LRRFIP1: variants seen among roughly 807,000 people sequenced by gnomAD.
LRRFIP1 encodes the protein LRR binding FLII interacting protein 1, also known as leucine-rich repeat flightless-interacting protein 1.
LRRFIP1 carries 62 observed loss-of-function variants against 104.4 expected under a neutral mutation model. The ratio of observed to expected loss-of-function variants is 0.59; its 90% CI spans 0.48 to 0.73. The LOEUF is 0.73. Ranked by LOEUF, LRRFIP1 falls within the 30% of genes least tolerant of loss-of-function variation. The pLI is 0.00. For synonymous variants in LRRFIP1, 300 were observed against 299.0 expected, an observed-to-expected ratio of 1.00 and a Z score of -0.03; for missense variants, 796 against 824.5, an observed-to-expected ratio of 0.97 and a Z score of 0.42.
At chr2:237,734,740 CT>C (rs2095176235) in intron 9 of LRRFIP1, among the ~76,000 whole-genome samples, 1 of 152,230 alleles carries the variant, frequency 6.6e-6, no homozygotes, top group African/African-American at 2.4e-5. Context: ...GTGTAAGCTC[CT>C]GTTTACCCAC....
chr2:237,779,307 G>A (rs13383684), intron 23 of LRRFIP1, 115 bp from the exon 24 acceptor site: 2 of 1,437,184 alleles, frequency 1.4e-6, no homozygotes, highest in East Asian at 2.7e-5. Context: ...TGAGGGACCA[G>A]GGGCCAAGTT....
chr2:237,708,702 C>A, intron 2 of LRRFIP1, 72 bp downstream of exon 2: 1 of 1,473,714 alleles, frequency 6.8e-7, no homozygotes, highest in Non-Finnish European at 9.3e-7. Flanking sequence ...CAAGTGCAGG[C>A]ACCTGTTGCT....
intron 19 of LRRFIP1, chr2:237,762,533 T>C (rs1559824174): frequency 1.4e-5 from 18 of 1,266,186 alleles, no homozygotes; most frequent in Non-Finnish European, 9.8e-6. Context: ...GAACGTGTGT[T>C]TACATTCTAA....
chr2:237,720,147 A>G (rs989641445), intron 5 of LRRFIP1, among the ~76,000 whole-genome samples: 17 of 151,954 alleles, frequency 1.1e-4, no homozygotes, highest in Admixed American at 7.9e-4. Flanking sequence ...GAGTTTCCCT[A>G]TGTTGCCCAA....
chr2:237,657,735 A>G (rs868257909), intron 1 of LRRFIP1, among the ~76,000 whole-genome samples: 2 of 152,256 alleles, frequency 1.3e-5, no homozygotes, highest in Non-Finnish European at 2.9e-5. Context: ...ATGAAATTCC[A>G]TTTTTAAAAA....
At chr2:237,630,997 G>A (rs1443099499) in intron 1 of LRRFIP1, among the ~76,000 whole-genome samples, 1 of 152,208 alleles carries the variant, frequency 6.6e-6, no homozygotes, top group African/African-American at 2.4e-5. Context: ...CTTTGACAAG[G>A]ACCATGGACT....
At chr2:237,676,411 C>T (rs555982184) in intron 1 of LRRFIP1, among the ~76,000 whole-genome samples, 2 of 152,092 alleles carry the variant, frequency 1.3e-5, no homozygotes, top group Non-Finnish European at 1.5e-5. Context: ...TAGTGAGACC[C>T]GAAAATTCAC....
chr2:237,669,992 T>G (rs1039817423), intron 1 of LRRFIP1, among the ~76,000 whole-genome samples: 1 of 152,224 alleles, frequency 6.6e-6, no homozygotes, highest in African/African-American at 2.4e-5. Flanking sequence ...CACCATATCA[T>G]CTAATGAAAA....
At chr2:237,769,896 C>T (rs1286479883) in intron 19 of LRRFIP1, 47 bp from the exon 20 acceptor site, 6 of 1,403,466 alleles carry the variant, frequency 4.3e-6, no homozygotes, top group East Asian at 2.4e-5. Flanking sequence ...TGCTGAAAGG[C>T]GCGGCACGCG....
chr2:237,645,673 A>G (rs983872244), intron 1 of LRRFIP1, among the ~76,000 whole-genome samples: 2 of 152,040 alleles, frequency 1.3e-5, no homozygotes, highest in Non-Finnish European at 2.9e-5. Context: ...TGATGGGTGG[A>G]AAGAGTAACA....
At chr2:237,745,639 C>T (rs1173959209) in intron 11 of LRRFIP1, among the ~76,000 whole-genome samples, 1 of 152,190 alleles carries the variant, frequency 6.6e-6, no homozygotes, top group South Asian at 2.1e-4. Flanking sequence ...TTTTCTTTCT[C>T]AGCTTTCTTG....
At chr2:237,657,057 C>A (rs1330528210) in intron 1 of LRRFIP1, among the ~76,000 whole-genome samples, 1 of 152,136 alleles carries the variant, frequency 6.6e-6, no homozygotes, top group East Asian at 1.9e-4. Flanking sequence ...CCCTTGTTTG[C>A]AGTGGTGGGA....
At chr2:237,749,136 A>G (rs2058261744) in intron 12 of LRRFIP1, 63 bp from the exon 13 acceptor site, 3 of 1,544,822 alleles carry the variant, frequency 1.9e-6, no homozygotes, top group Admixed American at 3.8e-5. Flanking sequence ...ACAATTCCAG[A>G]TGAGATTTGG....
chr2:237,760,261 C>G, intron 19 of LRRFIP1, 56 bp downstream of exon 19: 1 of 1,584,476 alleles, frequency 6.3e-7, no homozygotes, highest in Non-Finnish European at 8.6e-7. Flanking sequence ...ATTGGTTCAC[C>G]CTCCATGCAC....
intron 1 of LRRFIP1, among the ~76,000 whole-genome samples, chr2:237,634,156 C>T (rs778222832): frequency 2.6e-5 from 4 of 152,140 alleles, no homozygotes; most frequent in African/African-American, 7.2e-5. Flanking sequence ...TGTATCACTC[C>T]GTAAAACCCA....
At chr2:237,692,631 G>C (rs1010152718) in intron 1 of LRRFIP1, 1 of 1,327,196 alleles carries the variant, frequency 7.5e-7, no homozygotes, top group African/African-American at 1.5e-5. Flanking sequence ...GAGGCGTGGG[G>C]TGGGCTCTGG....
intron 1 of LRRFIP1, among the ~76,000 whole-genome samples, chr2:237,646,344 G>T (rs1559462266): frequency 6.6e-6 from 1 of 151,850 alleles, no homozygotes; most frequent in Non-Finnish European, 1.5e-5. Flanking sequence ...TTGCTGCACA[G>T]ATCATCCTAT....
Position 237,711,774 on chromosome 2 carries a change from T to G in LRRFIP1, c.184-2485T>G, listed in dbSNP as rs2094104002. ...CAAGATGGTGAGTGAGGACACCGAG[T>G]GAAGCAGCTCTACCGGGGGGTGGGG... is the stretch of plus-strand genomic sequence containing the variant. On this transcript the variant is annotated intron_variant, in intron 2 of 23. Coordinates refer to ENST00000308482, the MANE Select transcript of LRRFIP1 (RefSeq NM_001137550.2). The surrounding 1 kb of genome is among the most constrained non-coding windows in gnomAD (Gnocchi z 4.4). Among the ~76,000 whole-genome samples, 1 of 150,818 alleles carries G rather than the reference T, an allele frequency of 6.6e-6. No individual in the cohort carries two copies. The highest frequency in any genetic ancestry group is 1.5e-5 in the Non-Finnish European group (1 of 67,730).
rs547879044 is a variant in LRRFIP1, at chr2:237,650,527, C to T, written c.96+22787C>T. Among the ~76,000 whole-genome samples, 11 of 152,320 alleles carry T rather than the reference C, an allele frequency of 7.2e-5. 1 individual carries two copies. The South Asian group carries it at 2.3e-3, about 32-fold the overall frequency. ...GGATGGCCGGGCAGGTTACGCACTG[C>T]AGAAGCCCTGGGAGCACCCTTCACA... On this transcript the variant is annotated intron_variant, in intron 1 of 23. Coordinates refer to ENST00000308482, the MANE Select transcript of LRRFIP1 (RefSeq NM_001137550.2).
Sources: allele counts gnomAD v4.1 joint callset (sites outside exome capture counted in the v4.1 genomes callset), GRCh38; gene constraint gnomAD v4.1.1; non-coding constraint Gnocchi (gnomAD v3.1); transcripts MANE v1.5; gene names NCBI Gene and HGNC (gene_info 2026-07-23, HGNC 2026-07-21).